Variants in TLL1 observed in about 807,000 individuals in gnomAD.
The protein encoded by TLL1 is tolloid like 1.
Under a neutral mutation model 128.2 loss-of-function variants are expected in TLL1, and 49 were observed. The ratio of observed to expected loss-of-function variants is 0.38; its 90% CI spans 0.30 to 0.48. TLL1 has a LOEUF of 0.48. Ranked by LOEUF, TLL1 falls within the 20% of genes least tolerant of loss-of-function variation. The pLI is 0.96. For missense variants in TLL1, 1,123 were observed against 1,242.0 expected (o/e 0.90, Z 1.44); for synonymous variants, 454 against 418.8 (o/e 1.08, Z -1.03).
chr4:165,969,758 T>C (rs1228383078), intron 1 of TLL1, among the ~76,000 whole-genome samples: 2 of 152,178 alleles, frequency 1.3e-5, no homozygotes, highest in Non-Finnish European at 2.9e-5. Context: ...ATTGGAGTTA[T>C]TAATCACTGT....
rs570429403 is a variant in TLL1, at chr4:165,994,318, A to G, written c.362-63A>G. The G allele has an allele frequency of 8.1e-6, 13 of 1,597,122 alleles. No individual in the cohort carries two copies. The Admixed American group carries it at 1.2e-4, about 14-fold the overall frequency. On this transcript the variant is annotated intron_variant, in intron 3 of 20. Coordinates refer to ENST00000061240, the MANE Select transcript of TLL1 (RefSeq NM_012464.5). ...AAGACATTTTAACTTTTGTCCTTTA[A>G]GAGGTAAATGATTCCCTGACCAAGA... is the stretch of plus-strand genomic sequence containing the variant.
chr4:166,057,319 C>T lies in TLL1; in HGVS notation c.1846+10C>T. 6.2e-7 allele frequency: 1 copy of T among 1,613,564 alleles called. No homozygotes were observed. Among genetic ancestry groups the T allele is most frequent in the Non-Finnish European group, 8.5e-7 (1 of 1,179,854 alleles). On this transcript the variant is annotated intron_variant, in intron 14 of 20. Transcript: ENST00000061240. Reference sequence around the variant, plus strand: ...AGAAGGAGCTGTGAAGGTATGACTGCACTCCTTCCTGGACCCCCACCCCCC... The same window carrying T: ...AGAAGGAGCTGTGAAGGTATGACTGTACTCCTTCCTGGACCCCCACCCCCC...
Position 166,101,150 on chromosome 4 carries a change from C to G in TLL1, c.*274C>G, listed in dbSNP as rs1402758457. ...GGAAGACTCTACAAGCTTTTGTTCA[C>G]AGCTTGAAATAGATGCCTCACAATT... On this transcript the variant is annotated 3_prime_UTR_variant, in exon 21 of 21. Coordinates refer to ENST00000061240, the MANE Select transcript of TLL1 (RefSeq NM_012464.5). 5 of 407,362 alleles carry G rather than the reference C, an allele frequency of 1.2e-5. No individual in the cohort carries two copies. The highest frequency in any genetic ancestry group is 3.9e-5 in the Admixed American group (1 of 25,378). The allele number at this position is 407,362 out of a possible 1,614,324, so 25.2% of individuals were successfully genotyped here.
intron 1 of TLL1, among the ~76,000 whole-genome samples, chr4:165,945,690 A>T (rs1734213471): frequency 6.6e-6 from 1 of 152,196 alleles, no homozygotes; most frequent in Non-Finnish European, 1.5e-5. Flanking sequence ...GAAAAATTAA[A>T]ACGGAAATGT....
chr4:166,008,086 C>A, intron 7 of TLL1, 38 bp downstream of exon 7: 2 of 1,483,168 alleles, frequency 1.3e-6, no homozygotes, highest in Non-Finnish European at 1.9e-6. Flanking sequence ...CTTTTAATTC[C>A]TTTCCTCCAT....
intron 5 of TLL1, among the ~76,000 whole-genome samples, chr4:166,000,233 A>T (rs528634069): frequency 6.6e-6 from 1 of 152,352 alleles, no homozygotes; most frequent in South Asian, 2.1e-4. Flanking sequence ...ATATTTAGAC[A>T]TTTTAAAATC....
chr4:166,040,715 G>C (rs1286920203), intron 10 of TLL1, among the ~76,000 whole-genome samples: 4 of 152,202 alleles, frequency 2.6e-5, no homozygotes, highest in Non-Finnish European at 1.5e-5. Context: ...CATTTTAATA[G>C]ATTTCCTAGA....
intron 1 of TLL1, among the ~76,000 whole-genome samples, chr4:165,942,228 T>C (rs1734047840): frequency 1.3e-5 from 2 of 151,982 alleles, no homozygotes; most frequent in Non-Finnish European, 2.9e-5. Flanking sequence ...TTTATATCTG[T>C]ATGGCTTTGT....
At chr4:165,886,696 A>G (rs1731175344) in intron 1 of TLL1, among the ~76,000 whole-genome samples, 1 of 152,222 alleles carries the variant, frequency 6.6e-6, no homozygotes. Flanking sequence ...TATAACACTT[A>G]ATACAATATA....
At chr4:166,043,895 G>T (rs756167522) in intron 12 of TLL1, among the ~76,000 whole-genome samples, 3 of 150,414 alleles carry the variant, frequency 2.0e-5, no homozygotes, top group Non-Finnish European at 4.4e-5. Context: ...TTTCAACCTC[G>T]TTAAAAATAT....
chr4:165,987,100 A>G (rs1302295594), intron 1 of TLL1, among the ~76,000 whole-genome samples: 1 of 152,054 alleles, frequency 6.6e-6, no homozygotes, highest in African/African-American at 2.4e-5. Flanking sequence ...CAGATTCTCT[A>G]TGATTCTTAT....
At position 165,973,351 on chromosome 4, in the gene TLL1, TAGCACCATCCCAGGATGGTGCTATCA is replaced by T. The variant is rs574547598; in HGVS notation, c.170-16028_170-16003del. Among the ~76,000 whole-genome samples the T allele has an allele frequency of 2.2e-4, 34 of 152,074 alleles. 1 individual carries two copies. The South Asian group carries it at 7.1e-3, about 32-fold the overall frequency. On this transcript the variant is annotated intron_variant, in intron 1 of 20. Transcript: ENST00000061240. ...TATCCCAGGATTTCCTATCCTGGGATAGCACCATCCCAGGATGGTGCTATCAAATAAATAAACTATCTTATACAACT... is the reference window on the plus strand; with the variant it reads ...TATCCCAGGATTTCCTATCCTGGGATAATAAATAAACTATCTTATACAACT...
At chr4:165,932,533 CTG>C (rs138742528) in intron 1 of TLL1, among the ~76,000 whole-genome samples, 6,383 of 152,196 alleles carry the variant, frequency 0.042, 388 homozygotes, top group African/African-American at 0.13. Flanking sequence ...TCTGCAGTAA[CTG>C]TGCGTAACTG....
chr4:165,946,887 A>T (rs917372300), intron 1 of TLL1, among the ~76,000 whole-genome samples: 1 of 152,198 alleles, frequency 6.6e-6, no homozygotes, highest in East Asian at 1.9e-4. Context: ...GTGATTGGAA[A>T]CTGGAGAAAG....
At chr4:165,902,728 G>A (rs1561017362) in intron 1 of TLL1, among the ~76,000 whole-genome samples, 1 of 152,060 alleles carries the variant, frequency 6.6e-6, no homozygotes, top group Non-Finnish European at 1.5e-5. Flanking sequence ...CATCTTCCTA[G>A]CCACACACCA....
intron 12 of TLL1, among the ~76,000 whole-genome samples, chr4:166,048,150 C>T (rs1031341979): frequency 2.7e-5 from 4 of 150,844 alleles, no homozygotes; most frequent in Admixed American, 6.6e-5. Flanking sequence ...GCAGGAGAAT[C>T]GCTTGAACCT....
chr4:166,044,988 A>G (rs1739399610), intron 12 of TLL1, among the ~76,000 whole-genome samples: 1 of 152,198 alleles, frequency 6.6e-6, no homozygotes. Flanking sequence ...CAAAAATAAG[A>G]TAACATAAGG....
intron 6 of TLL1, among the ~76,000 whole-genome samples, chr4:166,006,692 C>T (rs1737448109): frequency 6.6e-6 from 1 of 151,652 alleles, no homozygotes; most frequent in Admixed American, 6.6e-5. Context: ...ATAGACCTAT[C>T]AGAGATTTGT....
intron 1 of TLL1, among the ~76,000 whole-genome samples, chr4:165,959,366 T>A (rs1471072855): frequency 6.6e-6 from 1 of 152,220 alleles, no homozygotes; most frequent in Non-Finnish European, 1.5e-5. Flanking sequence ...CTTCCATTTA[T>A]TTGTATCCTC....
Sources: allele counts gnomAD v4.1 joint callset (sites outside exome capture counted in the v4.1 genomes callset), GRCh38; gene constraint gnomAD v4.1.1; transcripts MANE v1.5; gene names NCBI Gene and HGNC (gene_info 2026-07-23, HGNC 2026-07-21).